The following CUBN variants were observed in gnomAD, a reference collection of about 807,000 sequenced individuals.
The protein encoded by CUBN is cubilin, also known as 460 kDa receptor.
In CUBN, 282 loss-of-function variants were observed where a neutral mutation model predicts 405.3. That is an observed-to-expected ratio of 0.70 (90% CI 0.63 to 0.77). CUBN has a LOEUF of 0.77. CUBN is among the 30% of genes least tolerant of loss of function. The pLI, the probability that CUBN is intolerant of heterozygous loss-of-function variation, is 0.00. For synonymous variants in CUBN, 1,684 were observed against 1,617.0 expected (o/e 1.04, Z -0.99); for missense variants, 4,514 against 4,475.2 (o/e 1.01, Z -0.25).
At chr10:16,834,944 A>G in intron 64 of CUBN, 70 bp downstream of exon 64, 1 of 1,375,520 alleles carries the variant, frequency 7.3e-7, no homozygotes, top group Non-Finnish European at 1.0e-6. Context: ...ACTAGATAAA[A>G]GGTGTAAAAT....
intron 38 of CUBN, among the ~76,000 whole-genome samples, chr10:16,938,100 C>T (rs890991254): frequency 3.3e-5 from 5 of 151,870 alleles, no homozygotes; most frequent in African/African-American, 1.2e-4. Flanking sequence ...TGGTTGCCTA[C>T]CAACAGTACT....
chr10:16,881,004 C>T (rs534943987), intron 56 of CUBN, among the ~76,000 whole-genome samples: 1 of 152,180 alleles, frequency 6.6e-6, no homozygotes, highest in South Asian at 2.1e-4. Flanking sequence ...AAATTATGTA[C>T]CTTAGTTATA....
At position 16,936,354 on chromosome 10, in the gene CUBN, C is replaced by T. The variant is rs79011568; in HGVS notation, c.5926+1238G>A. ...TGTCAGTCTTGCTGATGGTTCTTTG[C>T]TCTTAGATAGACAGATCAATATTTT... On this transcript the variant is annotated intron_variant, in intron 39 of 66. Transcript: ENST00000377833. Among the ~76,000 whole-genome samples the T allele has an allele frequency of 1.4e-4, 21 of 152,238 alleles. No homozygotes were observed. In the East Asian group the frequency reaches 3.9e-3, roughly 28 times the overall value.
chr10:16,953,545 G>T (rs900388889), intron 32 of CUBN, among the ~76,000 whole-genome samples: 2 of 152,180 alleles, frequency 1.3e-5, no homozygotes, highest in African/African-American at 4.8e-5. Context: ...AGAACGAGCA[G>T]ATGAAAGGCA....
At chr10:16,908,320 T>C (rs924096706) in intron 48 of CUBN, among the ~76,000 whole-genome samples, 2 of 152,026 alleles carry the variant, frequency 1.3e-5, no homozygotes, top group Admixed American at 1.3e-4. Context: ...TAATTTTGTA[T>C]TTTTAGTAGA....
chr10:17,048,613 G>C (rs1356048712), intron 22 of CUBN, among the ~76,000 whole-genome samples: 1 of 152,014 alleles, frequency 6.6e-6, no homozygotes, highest in Non-Finnish European at 1.5e-5. Context: ...CAGCAGCTGG[G>C]ACTACAAGCA....
intron 22 of CUBN, among the ~76,000 whole-genome samples, chr10:17,049,534 T>C (rs1005541481): frequency 6.6e-6 from 1 of 152,204 alleles, no homozygotes; most frequent in African/African-American, 2.4e-5. Context: ...TTTCCCTTTA[T>C]CTTGCTTACA....
chr10:17,037,940 A>AT (rs1433867161), intron 27 of CUBN, among the ~76,000 whole-genome samples: 24 of 85,640 alleles, frequency 2.8e-4, no homozygotes, highest in African/African-American at 6.9e-4. Context: ...TGACACAGTC[A>AT]CCTTTTTTTT....
chr10:16,898,911 T>A (rs1299428362), intron 54 of CUBN, 85 bp downstream of exon 54: 1 of 1,072,554 alleles, frequency 9.3e-7, no homozygotes, highest in East Asian at 2.4e-5. Flanking sequence ...TTTTCTTACT[T>A]TGAGCGACAA....
At chr10:17,123,758 C>T in intron 4 of CUBN, 69 bp from the exon 5 acceptor site, 1 of 1,025,540 alleles carries the variant, frequency 9.8e-7, no homozygotes, top group Non-Finnish European at 1.5e-6. Context: ...TGTTACCGTG[C>T]ACGTGGGATT....
At chr10:17,050,845 G>A (rs1173646339) in intron 22 of CUBN, among the ~76,000 whole-genome samples, 6 of 152,224 alleles carry the variant, frequency 3.9e-5, no homozygotes, top group Non-Finnish European at 7.4e-5. Context: ...AGAGGGGCTC[G>A]AGAAACAGGG....
At chr10:16,993,579 T>A (rs966853718) in intron 28 of CUBN, among the ~76,000 whole-genome samples, 3 of 152,188 alleles carry the variant, frequency 2.0e-5, no homozygotes, top group Non-Finnish European at 4.4e-5. Flanking sequence ...AGGTTTTCTT[T>A]AATAAAAAGA....
In CUBN at chr10:17,114,039, C is replaced by A. The variant is rs1173300477; in HGVS notation, c.871G>T (p.Ala291Ser). 2 of 1,612,638 alleles carry A rather than the reference C, an allele frequency of 1.2e-6. No individual in the cohort carries two copies. Among genetic ancestry groups the A allele is most frequent in the Middle Eastern group, 1.7e-4 (1 of 6,058 alleles). The change falls in exon 8 of 67, where the codon GCC becomes TCC. Residue 291 changes from alanine (A) to serine (S), a missense_variant. By Grantham distance (99) the Ala-to-Ser change is moderately conservative (BLOSUM62 1). Transcript: ENST00000377833. Reference sequence around the variant, plus strand: ...CCTGAGAATGTACCTGTTGGACAGGCCCCACAGTAGAAAGAGCCTTGAGTG... The same window carrying A: ...CCTGAGAATGTACCTGTTGGACAGGACCCACAGTAGAAAGAGCCTTGAGTG... ...FNTQGSFYCG[A>S]CPTGWQGNGY... is the part of the protein sequence containing the mutation.
At chr10:17,058,012 C>G (rs1369545456) in intron 22 of CUBN, among the ~76,000 whole-genome samples, 1 of 151,964 alleles carries the variant, frequency 6.6e-6, no homozygotes, top group Admixed American at 6.6e-5. Context: ...ATCCCAGCTA[C>G]TGGGCAGGCT....
intron 18 of CUBN, 52 bp from the exon 19 acceptor site, chr10:17,071,656 C>A (rs1057475162): frequency 6.4e-7 from 1 of 1,573,814 alleles, no homozygotes; most frequent in African/African-American, 1.3e-5. Flanking sequence ...ATAATTTTAT[C>A]TCAATTTTAT....
At chr10:16,980,778 C>T (rs879752349) in intron 31 of CUBN, among the ~76,000 whole-genome samples, 2 of 151,716 alleles carry the variant, frequency 1.3e-5, no homozygotes, top group Non-Finnish European at 2.9e-5. Flanking sequence ...CACCATGGCA[C>T]GTGTATACCT....
At chr10:16,872,361 G>GTGTATAT (rs1564396424) in intron 58 of CUBN, among the ~76,000 whole-genome samples, 3 of 149,100 alleles carry the variant, frequency 2.0e-5, no homozygotes, top group African/African-American at 7.5e-5. Flanking sequence ...TATATATATA[G>GTGTATAT]ATAGATAGAC....
chr10:16,828,371 T>C (rs769567996), intron 66 of CUBN, among the ~76,000 whole-genome samples: 35 of 152,230 alleles, frequency 2.3e-4, no homozygotes, highest in Non-Finnish European at 4.0e-4. Flanking sequence ...GTTGGAAAAC[T>C]GCTCAATTTG....
intron 28 of CUBN, among the ~76,000 whole-genome samples, chr10:16,995,719 A>T (rs939803277): frequency 1.2e-4 from 18 of 152,346 alleles, no homozygotes; most frequent in African/African-American, 4.3e-4. Flanking sequence ...AGCTATCATG[A>T]ATAGCTAGAG....
Sources: gnomAD v4.1 joint callset for allele counts (sites outside exome capture counted in the v4.1 genomes callset) on GRCh38, gnomAD v4.1.1 for gene constraint, MANE v1.5 for transcripts, NCBI Gene and HGNC (gene_info 2026-07-23, HGNC 2026-07-21) for gene names.